The following ROR2 variants were observed in gnomAD, a reference collection of about 807,000 sequenced individuals.
The protein encoded by ROR2 is ROR family WNT receptor 2, also known as tyrosine-protein kinase transmembrane receptor ROR2.
A neutral mutation model predicts 74.9 loss-of-function variants in ROR2; 33 were observed. The ratio of observed to expected loss-of-function variants is 0.44; its 90% CI spans 0.33 to 0.59. The LOEUF is 0.59. Among genes scored for constraint, ROR2 ranks in the 20% least tolerant of loss-of-function variants. The pLI, the probability that ROR2 is intolerant of heterozygous loss-of-function variation, is 0.02. For missense variants in ROR2, 1,216 were observed against 1,313.8 expected (o/e 0.93, Z 1.15); for synonymous variants, 586 against 558.7 (o/e 1.05, Z -0.69).
At position 91,839,081 on chromosome 9, in the gene ROR2, C is replaced by T. The variant is rs151189297; in HGVS notation, c.98-63263G>A. 4.5e-4 allele frequency among the ~76,000 whole-genome samples: 68 copies of T among 152,286 alleles called. 1 individual carries two copies. Among genetic ancestry groups the T allele is most frequent in the African/African-American group, 2.4e-4 (10 of 41,548 alleles). On this transcript the variant is annotated intron_variant, in intron 1 of 8. Transcript: ENST00000375708. Reference sequence around the variant, plus strand: ...CATGCAAGGCCCTCCGCACTGGCTACGCGCAGGCACATAGCAACACAAGCG... The same window carrying T: ...CATGCAAGGCCCTCCGCACTGGCTATGCGCAGGCACATAGCAACACAAGCG...
At chr9:91,759,214 T>G (rs1825843393) in intron 2 of ROR2, among the ~76,000 whole-genome samples, 1 of 151,198 alleles carries the variant, frequency 6.6e-6, no homozygotes, top group Non-Finnish European at 1.5e-5. Context: ...GATGGAGAGG[T>G]GGGGGAAGCC....
At chr9:91,755,697 T>C (rs1825726830) in intron 4 of ROR2, among the ~76,000 whole-genome samples, 1 of 152,252 alleles carries the variant, frequency 6.6e-6, no homozygotes, top group African/African-American at 2.4e-5. Context: ...ATTTATTAAC[T>C]GCAGCTGGTA....
intron 4 of ROR2, among the ~76,000 whole-genome samples, chr9:91,748,359 C>T (rs1368152102): frequency 1.3e-5 from 2 of 151,968 alleles, no homozygotes; most frequent in Non-Finnish European, 2.9e-5. Flanking sequence ...AGACATATGT[C>T]CATTAACTTG....
rs191535818 is a variant in ROR2 at position 91,875,542 on chromosome 9, C to T, written c.97+74325G>A. Among the ~76,000 whole-genome samples the T allele has an allele frequency of 5.5e-4, 83 of 152,124 alleles. 1 individual carries two copies. Among genetic ancestry groups the T allele is most frequent in the East Asian group, 3.5e-3 (18 of 5,188 alleles). On this transcript the variant is annotated intron_variant, in intron 1 of 8. Transcript: ENST00000375708. Reference sequence around the variant, plus strand: ...TTTATTTTCCTTCCTAAAAGTCCTACAAAATGATAAGAATGAAACAAAGTA... The same window carrying T: ...TTTATTTTCCTTCCTAAAAGTCCTATAAAATGATAAGAATGAAACAAAGTA...
chr9:91,845,877 CAAAAAAAAAAAAAAAAAA>C (rs5899143), intron 1 of ROR2, among the ~76,000 whole-genome samples: 3 of 33,874 alleles, frequency 8.9e-5, no homozygotes, highest in Admixed American at 5.0e-4. Context: ...GAATCCATCT[CAAAAAAAAAAAAAAAAAA>C]AAAAAAAAAA....
chr9:91,795,198 C>T (rs1827127931), intron 1 of ROR2, among the ~76,000 whole-genome samples: 3 of 152,094 alleles, frequency 2.0e-5, no homozygotes, highest in Admixed American at 1.3e-4. Context: ...TTAGATTTCT[C>T]TGCCTCTAAT....
At chr9:91,774,220 T>C (rs1826339077) in intron 2 of ROR2, among the ~76,000 whole-genome samples, 1 of 152,226 alleles carries the variant, frequency 6.6e-6, no homozygotes, top group Non-Finnish European at 1.5e-5. Context: ...CTACAGAGGA[T>C]GGAATCCTCT....
intron 1 of ROR2, among the ~76,000 whole-genome samples, chr9:91,878,436 C>A (rs183268488): frequency 6.6e-6 from 1 of 152,294 alleles, no homozygotes; most frequent in Admixed American, 6.5e-5. Context: ...TTCTTTAGGT[C>A]CTCATGGTGT....
intron 1 of ROR2, among the ~76,000 whole-genome samples, chr9:91,873,128 G>A (rs956014205): frequency 2.6e-5 from 4 of 152,142 alleles, no homozygotes; most frequent in East Asian, 3.8e-4. Flanking sequence ...TTGCTTTTCC[G>A]GATACACAGT....
At position 91,727,604 on chromosome 9, in the gene ROR2, C is replaced by T. The variant is rs150514281; in HGVS notation, c.1184-861G>A. On this transcript the variant is annotated intron_variant, in intron 7 of 8. Transcript: ENST00000375708. ...AATTGAATGTAAGACAAAGTGGTGC[C>T]GTTTCAGGACGCTGACCCTAAGCCT... is the stretch of plus-strand genomic sequence containing the variant. Among the ~76,000 whole-genome samples the T allele has an allele frequency of 2.3e-3, 352 of 152,248 alleles. 5 individuals are homozygous for T. Among genetic ancestry groups the T allele is most frequent in the African/African-American group, 8.2e-3 (342 of 41,538 alleles).
chr9:91,806,604 G>T (rs1326386616), intron 1 of ROR2, among the ~76,000 whole-genome samples: 2 of 152,086 alleles, frequency 1.3e-5, no homozygotes, highest in Non-Finnish European at 2.9e-5. Context: ...TTGTTTGTTT[G>T]TTTGTGACAG....
At chr9:91,819,688 T>C (rs200661057) in intron 1 of ROR2, among the ~76,000 whole-genome samples, 1 of 15,766 alleles carries the variant, frequency 6.3e-5, no homozygotes, top group Non-Finnish European at 1.5e-4. Context: ...GTATCTGTCT[T>C]TGTGTGTTTT....
intron 1 of ROR2, among the ~76,000 whole-genome samples, chr9:91,800,503 CCTT>C (rs1827339479): frequency 1.3e-5 from 2 of 152,196 alleles, no homozygotes; most frequent in South Asian, 4.2e-4. Context: ...AACGTCAACT[CCTT>C]GAGGACACAC....
At chr9:91,857,960 A>C (rs1176427657) in intron 1 of ROR2, among the ~76,000 whole-genome samples, 2 of 152,128 alleles carry the variant, frequency 1.3e-5, no homozygotes, top group Non-Finnish European at 2.9e-5. Flanking sequence ...AAGGAGGGGG[A>C]GAGGGTGGAA....
chr9:91,832,203 A>C (rs1461294490), intron 1 of ROR2, among the ~76,000 whole-genome samples: 1 of 152,058 alleles, frequency 6.6e-6, no homozygotes, highest in East Asian at 1.9e-4. Context: ...AATAATTCTT[A>C]ATTCTTCTTT....
At chr9:91,898,502 C>T (rs192894170) in intron 1 of ROR2, among the ~76,000 whole-genome samples, 2 of 152,106 alleles carry the variant, frequency 1.3e-5, no homozygotes, top group Non-Finnish European at 2.9e-5. Context: ...CAGAACCCCA[C>T]CCCTTTATTC....
chr9:91,829,341 G>A (rs903688718), intron 1 of ROR2, among the ~76,000 whole-genome samples: 4 of 151,946 alleles, frequency 2.6e-5, no homozygotes, highest in African/African-American at 7.3e-5. Context: ...TCAGGAGTTC[G>A]AGACCAGCCT....
chr9:91,931,262 A>G (rs1283981864), intron 1 of ROR2, among the ~76,000 whole-genome samples: 1 of 152,224 alleles, frequency 6.6e-6, no homozygotes, highest in Non-Finnish European at 1.5e-5. Flanking sequence ...GCAACGATGT[A>G]CCAGGCAAGT....
intron 1 of ROR2, among the ~76,000 whole-genome samples, chr9:91,845,657 G>A (rs992596446): frequency 2.0e-5 from 3 of 151,956 alleles, no homozygotes; most frequent in Non-Finnish European, 2.9e-5. Context: ...TGAGGCGGGC[G>A]GATCACCTGA....
Sources: gnomAD v4.1 joint callset for allele counts (sites outside exome capture counted in the v4.1 genomes callset) on GRCh38, gnomAD v4.1.1 for gene constraint, MANE v1.5 for transcripts, NCBI Gene and HGNC (gene_info 2026-07-23, HGNC 2026-07-21) for gene names.